SH3KBP1: variants seen among roughly 807,000 people sequenced by gnomAD.
The protein encoded by SH3KBP1 is SH3 domain-containing kinase-binding protein 1.
SH3KBP1 carries 8 observed loss-of-function variants against 50.1 expected under a neutral mutation model. The observed-to-expected ratio is 0.16, with a 90% confidence interval of 0.09 to 0.29. The LOEUF (loss-of-function observed/expected upper bound fraction) is 0.29, where lower values mean the gene tolerates loss of function less well. SH3KBP1 is among the 10% of genes least tolerant of loss of function. The probability of loss-of-function intolerance (pLI) is 1.00; values close to 1 mark genes in which losing one functional copy is unlikely to be tolerated. For synonymous variants in SH3KBP1, 227 were observed against 218.6 expected (o/e 1.04, Z -0.34); for missense variants, 377 against 535.2 (o/e 0.70, Z 2.92).
chrX:19,641,161 CT>C lies in SH3KBP1; in HGVS notation c.802+4238del, dbSNP rs760812702. Among the ~76,000 whole-genome samples the C allele has an allele frequency of 2.7e-4, 30 of 112,092 alleles. No individual in the cohort carries two copies. In the South Asian group the frequency reaches 6.6e-3, roughly 25 times the overall value. ...CTGGACACCCTCCACTGGTAACAGT[CT>C]TAGGCCGATTGGGAGAGCAGTGGCT... On this transcript the variant is annotated intron_variant, in intron 7 of 17. Coordinates refer to ENST00000397821, the MANE Select transcript of SH3KBP1 (RefSeq NM_031892.3).
At chrX:19,553,975 T>TAAAATATAATATATAATATATA (rs2065339084) in intron 13 of SH3KBP1, among the ~76,000 whole-genome samples, 2 of 61,031 alleles carry the variant, frequency 3.3e-5, no homozygotes, top group Non-Finnish European at 5.1e-5. Flanking sequence ...TAATATATAT[T>TAAAATATAATATATAATATATA]AAAATATAAT....
intron 5 of SH3KBP1, among the ~76,000 whole-genome samples, chrX:19,687,855 C>T (rs2063201367): frequency 1.8e-5 from 2 of 111,969 alleles, no homozygotes; most frequent in African/African-American, 6.5e-5. Flanking sequence ...GACCATTAGG[C>T]AGGATTTAAG....
At chrX:19,719,942 C>T (rs918176245) in intron 3 of SH3KBP1, among the ~76,000 whole-genome samples, 1 of 109,253 alleles carries the variant, frequency 9.2e-6, no homozygotes, top group Non-Finnish European at 1.9e-5. Context: ...AACGGCCCAA[C>T]TCACCCAGCA....
chrX:19,808,650 T>A (rs1037653660), intron 2 of SH3KBP1, among the ~76,000 whole-genome samples: 35 of 111,512 alleles, frequency 3.1e-4, no homozygotes, highest in African/African-American at 1.1e-3. Context: ...TAGCCCACAC[T>A]CAGCCTCCAG....
intron 2 of SH3KBP1, among the ~76,000 whole-genome samples, chrX:19,791,615 C>T (rs961928790): frequency 9.1e-6 from 1 of 109,986 alleles, no homozygotes; most frequent in Admixed American, 9.7e-5. Context: ...ATGTCTTTTC[C>T]GTGAGTTTAT....
At chrX:19,617,587 G>T (rs1279227733) in intron 8 of SH3KBP1, among the ~76,000 whole-genome samples, 5 of 112,669 alleles carry the variant, frequency 4.4e-5, no homozygotes, top group Non-Finnish European at 5.6e-5. Context: ...TAACAAGGAA[G>T]GTGAAGTATT....
intron 14 of SH3KBP1, among the ~76,000 whole-genome samples, chrX:19,549,696 G>A (rs1569273034): frequency 9.0e-6 from 1 of 111,696 alleles, no homozygotes; most frequent in Non-Finnish European, 1.9e-5. Flanking sequence ...TTTCATTTCA[G>A]GTTAAAATAA....
At chrX:19,647,574 C>T (rs1018211533) in intron 6 of SH3KBP1, among the ~76,000 whole-genome samples, 1 of 111,639 alleles carries the variant, frequency 9.0e-6, no homozygotes, top group Non-Finnish European at 1.9e-5. Context: ...TGGATCCCAG[C>T]GACAGGGGTG....
At position 19,746,192 on chromosome X, in the gene SH3KBP1, T is replaced by C. The variant is rs188452983; in HGVS notation, c.286+126A>G. On this transcript the variant is annotated intron_variant, in intron 3 of 17. Coordinates refer to ENST00000397821, the MANE Select transcript of SH3KBP1 (RefSeq NM_031892.3). ...AGTATGTATGTGTGTATCCAAAATA[T>C]ATACCAAAAACCAAAAGGACAAACT... The C allele has an allele frequency of 1.0e-3, 802 of 789,561 alleles. 2 individuals carry two copies. The highest frequency in any genetic ancestry group is 1.3e-3 in the Non-Finnish European group (732 of 542,786). 65.1% of individuals were successfully genotyped at this position (789,561 alleles called of 1,213,427 possible).
At chrX:19,737,130 T>A (rs1295447594) in intron 3 of SH3KBP1, among the ~76,000 whole-genome samples, 1 of 110,923 alleles carries the variant, frequency 9.0e-6, no homozygotes, top group African/African-American at 3.3e-5. Context: ...CCGGCTGGTC[T>A]TGAACTCCTG....
intron 6 of SH3KBP1, among the ~76,000 whole-genome samples, chrX:19,662,649 T>C (rs969224627): frequency 1.8e-5 from 2 of 111,468 alleles, no homozygotes; most frequent in Non-Finnish European, 3.8e-5. Context: ...TCCCCAACTT[T>C]TGAGGTTCCA....
At chrX:19,760,041 C>CCTCTCTCTCCCTCTCTCT (rs2065351124) in intron 2 of SH3KBP1, among the ~76,000 whole-genome samples, 1 of 50,459 alleles carries the variant, frequency 2.0e-5, no homozygotes, top group Non-Finnish European at 3.6e-5. Flanking sequence ...TCTCTCTCTC[C>CCTCTCTCTCCCTCTCTCT]CTCTCTCTCT....
At chrX:19,573,156 C>T (rs1311637214) in intron 12 of SH3KBP1, among the ~76,000 whole-genome samples, 2 of 111,698 alleles carry the variant, frequency 1.8e-5, no homozygotes, top group Non-Finnish European at 3.8e-5. Flanking sequence ...ATCACATCTA[C>T]GGAAAACTGG....
chrX:19,820,710 T>G (rs2067500857), intron 2 of SH3KBP1, among the ~76,000 whole-genome samples: 1 of 111,246 alleles, frequency 9.0e-6, no homozygotes, highest in South Asian at 3.8e-4. Flanking sequence ...ATGTTAGGAC[T>G]TACACCTGCC....
At chrX:19,878,317 T>C (rs1297294523) in intron 1 of SH3KBP1, among the ~76,000 whole-genome samples, 3 of 106,065 alleles carry the variant, frequency 2.8e-5, no homozygotes, top group Non-Finnish European at 3.9e-5. Context: ...TTTTTTTTTT[T>C]CCTTGAGACA....
intron 2 of SH3KBP1, among the ~76,000 whole-genome samples, chrX:19,800,186 T>C (rs1158389650): frequency 1.8e-5 from 2 of 112,238 alleles, no homozygotes; most frequent in African/African-American, 6.5e-5. Context: ...CGTTCATTAC[T>C]TACATGTGGA....
intron 13 of SH3KBP1, among the ~76,000 whole-genome samples, chrX:19,564,402 T>A (rs1224073408): frequency 8.9e-6 from 1 of 111,930 alleles, no homozygotes; most frequent in Non-Finnish European, 1.9e-5. Context: ...GTTATTGTCC[T>A]TTTATGTAAT....
At chrX:19,547,885 T>C (rs2065129404) in intron 14 of SH3KBP1, among the ~76,000 whole-genome samples, 1 of 112,423 alleles carries the variant, frequency 8.9e-6, no homozygotes, top group African/African-American at 3.2e-5. Context: ...GAAGAGTAAA[T>C]AGGAATTCAA....
intron 1 of SH3KBP1, among the ~76,000 whole-genome samples, chrX:19,855,513 C>T (rs1217646993): frequency 8.9e-6 from 1 of 112,059 alleles, no homozygotes; most frequent in East Asian, 2.8e-4. Context: ...GTTATTTTAA[C>T]CCTTTCATTA....
Sources: allele counts gnomAD v4.1 joint callset (sites outside exome capture counted in the v4.1 genomes callset), GRCh38; gene constraint gnomAD v4.1.1; transcripts MANE v1.5; gene names NCBI Gene and HGNC (gene_info 2026-07-23, HGNC 2026-07-21).